FAM117A: variants seen among roughly 807,000 people sequenced by gnomAD.
FAM117A encodes the protein protein FAM117A.
In FAM117A, 21 loss-of-function variants were observed where a neutral mutation model predicts 44.1. The ratio of observed to expected loss-of-function variants is 0.48; its 90% confidence interval spans 0.34 to 0.69. The LOEUF (loss-of-function observed/expected upper bound fraction) is 0.69, where lower values mean the gene tolerates loss of function less well. Ranked by LOEUF, FAM117A falls within the 30% of genes least tolerant of loss-of-function variation. FAM117A has a pLI of 0.01. For synonymous variants in FAM117A, 220 were observed against 238.3 expected (o/e 0.92, Z 0.71); for missense variants, 498 against 589.9 (o/e 0.84, Z 1.61).
chr17:49,737,038 G>T (rs2073613668), intron 1 of FAM117A, among the ~76,000 whole-genome samples: 1 of 152,184 alleles, frequency 6.6e-6, no homozygotes, highest in African/African-American at 2.4e-5. Flanking sequence ...CTTTTACCAG[G>T]GGTTCTGACT....
chr17:49,724,254 C>A (rs2073548840), intron 2 of FAM117A: 1 of 436,240 alleles, frequency 2.3e-6, no homozygotes. Flanking sequence ...AGATGACTAC[C>A]TCTGCTAATC....
At chr17:49,724,855 G>GA (rs1211964009) in intron 2 of FAM117A, among the ~76,000 whole-genome samples, 3 of 147,448 alleles carry the variant, frequency 2.0e-5, no homozygotes, top group East Asian at 2.0e-4. Flanking sequence ...AAAGAAAAAA[G>GA]AAAAAAAAGA....
At position 49,711,077 on chromosome 17, in the gene FAM117A, G is replaced by A. The variant is rs746933598; in HGVS notation, c.*178C>T. The A allele has an allele frequency of 3.0e-5, 18 of 597,578 alleles. No homozygotes were observed. The highest frequency in any genetic ancestry group is 9.0e-4 in the Middle Eastern group (2 of 2,214). 37.0% of individuals were successfully genotyped at this position (597,578 alleles called of 1,614,324 possible). ...TAGTGGAGAAGGCAGGTCCCATCAC[G>A]TTCAGAGGGGCCGGTGCCCATCAAA... On this transcript the variant is annotated 3_prime_UTR_variant, in exon 8 of 8. Transcript: ENST00000240364.
intron 1 of FAM117A, among the ~76,000 whole-genome samples, chr17:49,749,811 G>A (rs1327659399): frequency 6.7e-6 from 1 of 148,204 alleles, no homozygotes; most frequent in Non-Finnish European, 1.5e-5. Context: ...AGAATCTGAT[G>A]CCAACCTGGT....
At chr17:49,763,860 C>T in intron 1 of FAM117A, 32 bp downstream of exon 1, 1 of 1,201,232 alleles carries the variant, frequency 8.3e-7, no homozygotes, top group Non-Finnish European at 1.0e-6. Flanking sequence ...CCAATGGCTC[C>T]TTCCACGGCA....
chr17:49,747,904 T>C (rs763298464), intron 1 of FAM117A, among the ~76,000 whole-genome samples: 1 of 152,224 alleles, frequency 6.6e-6, no homozygotes, highest in Non-Finnish European at 1.5e-5. Context: ...TCAAAGGTTA[T>C]GTAGTGCCTC....
Position 49,764,104 on chromosome 17 carries a change from T to G in FAM117A, c.-17A>C. On this transcript the variant is annotated 5_prime_UTR_variant, in exon 1 of 8. Coordinates refer to ENST00000240364, the MANE Select transcript of FAM117A (RefSeq NM_030802.4). The stretch of plus-strand genomic sequence containing the variant: ...CCCCGCCATGGCTCTCCCGGCTGCC[T>G]GCCTCAGCCCCACTGCGAGACTCAC... 1 of 1,215,490 alleles carries G rather than the reference T, an allele frequency of 8.2e-7. No individual in the cohort carries two copies. Among genetic ancestry groups the G allele is most frequent in the Admixed American group, 3.3e-5 (1 of 30,634 alleles). The allele number at this position is 1,215,490 out of a possible 1,614,324, so 75.3% of individuals were successfully genotyped here. A position where few individuals can be genotyped will look rare whatever the true frequency, so the allele number is the denominator to read the frequency against.
intron 3 of FAM117A, among the ~76,000 whole-genome samples, chr17:49,720,829 C>G (rs758816818): frequency 2.6e-5 from 4 of 152,100 alleles, no homozygotes; most frequent in Non-Finnish European, 4.4e-5. Context: ...AGTTCTCTGC[C>G]TCAGCCTCCT....
At chr17:49,745,805 T>C (rs2073652507) in intron 1 of FAM117A, among the ~76,000 whole-genome samples, 1 of 152,180 alleles carries the variant, frequency 6.6e-6, no homozygotes, top group Non-Finnish European at 1.5e-5. Flanking sequence ...GAATGGGAAG[T>C]AGTTCCAGAT....
chr17:49,763,733 T>A (rs2073732743), intron 1 of FAM117A, among the ~76,000 whole-genome samples, 159 bp downstream of exon 1: 1 of 150,466 alleles, frequency 6.6e-6, no homozygotes, highest in Non-Finnish European at 1.5e-5. Context: ...GGCTCCTCGC[T>A]CTTGCTCCCT....
chr17:49,719,719 G>A (rs1180125957), intron 5 of FAM117A, 41 bp downstream of exon 5: 2 of 1,512,274 alleles, frequency 1.3e-6, no homozygotes, highest in Admixed American at 2.3e-5. Context: ...GCCAAGTGAG[G>A]CACGGACTGT....
rs750159287 is a variant in FAM117A at position 49,720,369 on chromosome 17, C to A, written c.530G>T (p.Gly177Val). 1 of 1,613,936 alleles carries A rather than the reference C, an allele frequency of 6.2e-7. No homozygotes were observed. The highest frequency in any genetic ancestry group is 8.5e-7 in the Non-Finnish European group (1 of 1,180,006). ...LSRSGKEKERGSPLLGDHAVR... is the reference protein window; with the variant it reads ...LSRSGKEKERVSPLLGDHAVR... Reference sequence around the variant, plus strand: ...TGCGTGGTCCCCTAGGAGTGGTGAACCTCGCTCCTTCTCTTTCCCACTGCG... The same window carrying A: ...TGCGTGGTCCCCTAGGAGTGGTGAAACTCGCTCCTTCTCTTTCCCACTGCG... The change falls in exon 4 of 8, where the codon GGT becomes GTT. Residue 177 changes from glycine (G) to valine (V), a missense_variant. Gly to Val is a moderately radical substitution (Grantham distance 109, BLOSUM62 -3). Coordinates refer to ENST00000240364, the MANE Select transcript of FAM117A (RefSeq NM_030802.4).
chr17:49,718,407 G>A (rs1367962239), intron 5 of FAM117A, among the ~76,000 whole-genome samples: 5 of 152,186 alleles, frequency 3.3e-5, no homozygotes, highest in African/African-American at 1.2e-4. Context: ...AGTGGCTCAC[G>A]CCTGTAATCC....
intron 1 of FAM117A, among the ~76,000 whole-genome samples, chr17:49,738,696 A>G (rs1196139331): frequency 6.6e-6 from 1 of 152,160 alleles, no homozygotes; most frequent in Non-Finnish European, 1.5e-5. Flanking sequence ...AACCCTTAGC[A>G]AGGTCCACTA....
intron 1 of FAM117A, among the ~76,000 whole-genome samples, chr17:49,776,688 T>C (rs548305145): frequency 4.6e-5 from 7 of 152,196 alleles, no homozygotes; most frequent in African/African-American, 1.4e-4. Context: ...GGGGTTTCCA[T>C]GAAGGAGAAA....
chr17:49,762,764 C>G (rs187417178), intron 1 of FAM117A, among the ~76,000 whole-genome samples: 2 of 152,346 alleles, frequency 1.3e-5, no homozygotes, highest in East Asian at 3.9e-4. Context: ...CTTTTCACAT[C>G]TGGTGTGAAT....
intron 1 of FAM117A, among the ~76,000 whole-genome samples, chr17:49,780,004 T>G (rs887961550): frequency 4.6e-5 from 7 of 152,188 alleles, no homozygotes; most frequent in Non-Finnish European, 8.8e-5. Flanking sequence ...GTAACCTCAG[T>G]TGGCAAGAGC....
At chr17:49,753,010 G>A (rs1453728407) in intron 1 of FAM117A, among the ~76,000 whole-genome samples, 1 of 151,974 alleles carries the variant, frequency 6.6e-6, no homozygotes, top group Admixed American at 6.6e-5. Flanking sequence ...CTAAAGGAAG[G>A]TGTCACCACA....
rs532990385 is a variant in FAM117A at position 49,754,944 on chromosome 17, A to C, written c.196+8948T>G. ...TCCCAGCTACTCGAGAGGCTGAGGCAGGAGAATCGCTTGAACCCGGGAGGT... is the reference window on the plus strand; with the variant it reads ...TCCCAGCTACTCGAGAGGCTGAGGCCGGAGAATCGCTTGAACCCGGGAGGT... On this transcript the variant is annotated intron_variant, in intron 1 of 7. Transcript: ENST00000240364. Among the ~76,000 whole-genome samples the C allele has an allele frequency of 7.0e-4, 105 of 150,234 alleles. 4 individuals are homozygous for C. Among genetic ancestry groups the C allele is most frequent in the African/African-American group, 2.0e-4 (8 of 40,890 alleles).
Sources: allele counts gnomAD v4.1 joint callset (sites outside exome capture counted in the v4.1 genomes callset), GRCh38; gene constraint gnomAD v4.1.1; transcripts MANE v1.5; gene names NCBI Gene and HGNC (gene_info 2026-07-23, HGNC 2026-07-21).